The following ABCA9 variants were observed in gnomAD, a reference collection of about 807,000 sequenced individuals.
The protein encoded by ABCA9 is ATP binding cassette subfamily A member 9, also known as ATP-binding cassette sub-family A member 9.
ABCA9 carries 183 observed loss-of-function variants against 205.3 expected under a neutral mutation model. The observed-to-expected ratio is 0.89, with a 90% confidence interval of 0.79 to 1.01. The LOEUF (loss-of-function observed/expected upper bound fraction) is 1.01. Ranked by LOEUF, ABCA9 falls within the 50% of genes least tolerant of loss-of-function variation. ABCA9 has a pLI of 0.00. For synonymous variants in ABCA9, 651 were observed against 683.3 expected (o/e 0.95, Z 0.74); for missense variants, 1,805 against 1,912.4 (o/e 0.94, Z 1.05).
chr17:68,998,041 A>T (rs974679936), intron 25 of ABCA9, among the ~76,000 whole-genome samples: 4 of 152,194 alleles, frequency 2.6e-5, no homozygotes, highest in Non-Finnish European at 4.4e-5. Flanking sequence ...TACAGTGTGT[A>T]GACTTTTCAG....
intron 2 of ABCA9, among the ~76,000 whole-genome samples, chr17:69,049,729 T>C (rs1472475616): frequency 6.6e-6 from 1 of 152,114 alleles, no homozygotes; most frequent in Non-Finnish European, 1.5e-5. Context: ...AGAATCTAAG[T>C]TTACCACACT....
intron 12 of ABCA9, 69 bp from the exon 13 acceptor site, chr17:69,027,884 G>A (rs1598390883): frequency 8.2e-7 from 1 of 1,214,358 alleles, no homozygotes; most frequent in African/African-American, 1.5e-5. Flanking sequence ...CTTTTAAAAT[G>A]GAAAACACTG....
upstream of ABCA9, among the ~76,000 whole-genome samples, chr17:69,061,432 AAATACGGC>A (rs2072245430): frequency 6.6e-6 from 1 of 152,192 alleles, no homozygotes; most frequent in South Asian, 2.1e-4. Flanking sequence ...TTGAATCCAG[AAATACGGC>A]AATAAAGCAA....
At chr17:69,018,001 A>G (rs1415666431) in intron 20 of ABCA9, 2 of 496,108 alleles carry the variant, frequency 4.0e-6, no homozygotes, top group Non-Finnish European at 7.0e-6. Context: ...GCATTTCATT[A>G]TAATTTCTAT....
intron 22 of ABCA9, 81 bp downstream of exon 22, chr17:69,016,172 A>C: frequency 9.3e-7 from 1 of 1,076,522 alleles, no homozygotes; most frequent in East Asian, 2.8e-5. Flanking sequence ...ACAAAAAGTA[A>C]TATAACATTA....
chr17:68,985,105 T>A lies in ABCA9; in HGVS notation c.4232A>T (p.Gln1411Leu), dbSNP rs2069187438. Reference protein sequence around the residue: ...ITRLVDALKLQDQLKAPVKTL... With the variant: ...ITRLVDALKLLDQLKAPVKTL... ...CTTCACGGGAGCCTTCAGCTGGTCC[T>A]GCAGCTTGAGCGCATCCACTAACCT... is the stretch of plus-strand genomic sequence containing the variant. The change falls in exon 33 of 39, where the codon CAG becomes CTG. Residue 1411 changes from glutamine (Q) to leucine (L), a missense_variant. By Grantham distance (113) the Gln-to-Leu change is moderately radical. Coordinates refer to ENST00000340001, the MANE Select transcript of ABCA9 (RefSeq NM_080283.4). 6.2e-7 allele frequency: 1 copy of A among 1,614,252 alleles called. No individual in the cohort carries two copies. The highest frequency in any genetic ancestry group is 1.7e-5 in the Admixed American group (1 of 60,030).
intron 6 of ABCA9, 44 bp downstream of exon 6, chr17:69,043,445 C>A: frequency 1.4e-6 from 2 of 1,456,772 alleles, no homozygotes; most frequent in South Asian, 2.8e-5. Flanking sequence ...CTAAGTTGTT[C>A]TGTTTGTTTA....
chr17:69,027,639 C>T lies in ABCA9; in HGVS notation c.1791+1G>A. ...ATGTGACATCTAATATGCTCACATA[C>T]CTCTTTCTCCACTTCATGTGGCAAA... is the stretch of plus-strand genomic sequence containing the variant. On this transcript the variant is annotated splice_donor_variant, in intron 13 of 38. Transcript: ENST00000340001. LOFTEE classifies it high-confidence loss of function. 1 of 1,612,762 alleles carries T rather than the reference C, an allele frequency of 6.2e-7. No homozygotes were observed.
chr17:69,018,074 T>C (rs1202218170), intron 20 of ABCA9: 4 of 380,920 alleles, frequency 1.1e-5, no homozygotes, highest in Non-Finnish European at 1.4e-5. Flanking sequence ...AGTCTATCTA[T>C]CTTTTTAAAT....
At position 68,986,283 on chromosome 17, in the gene ABCA9, G is replaced by A. The variant is rs267605017; in HGVS notation, c.4089C>T (p.Phe1363=). The A allele has an allele frequency of 6.2e-7, 1 of 1,613,370 alleles. No individual in the cohort carries two copies. Among genetic ancestry groups the A allele is most frequent in the Non-Finnish European group, 8.5e-7 (1 of 1,179,702 alleles). ...CATTCTCCTGAGGGCAGTACCCCAG[G>A]AAGCCCAGGGGTTCCCCTCCACCGC... ...KGSGGGEPLG[F]LGYCPQENAL... is the part of the protein sequence containing the mutation. Residue 1363 remains phenylalanine, a synonymous_variant, in exon 32 of 39, where the codon TTC becomes TTT. Coordinates refer to ENST00000340001, the MANE Select transcript of ABCA9 (RefSeq NM_080283.4).
chr17:69,018,138 C>T, intron 20 of ABCA9: 1 of 372,596 alleles, frequency 2.7e-6, no homozygotes, highest in Non-Finnish European at 4.7e-6. Context: ...AAATGATACA[C>T]AAAGACCTCA....
chr17:69,039,294 C>T (rs1246646070), intron 6 of ABCA9, among the ~76,000 whole-genome samples: 1 of 152,130 alleles, frequency 6.6e-6, no homozygotes, highest in Non-Finnish European at 1.5e-5. Flanking sequence ...GGAGGCATCA[C>T]ACTATTTGAC....
intron 3 of ABCA9, among the ~76,000 whole-genome samples, chr17:69,047,716 G>T (rs1468115507): frequency 6.6e-6 from 1 of 152,138 alleles, no homozygotes; most frequent in East Asian, 1.9e-4. Flanking sequence ...GTGCAGGATG[G>T]CAAAGGTCAC....
chr17:68,996,681 T>G (rs964028808), intron 25 of ABCA9, among the ~76,000 whole-genome samples: 1 of 152,190 alleles, frequency 6.6e-6, no homozygotes, highest in Non-Finnish European at 1.5e-5. Context: ...GTCATATTAT[T>G]TATTGTAGGC....
At chr17:69,066,214 A>ATAC in the ABCA9 span, among the ~76,000 whole-genome samples, 1 of 152,132 alleles carries the variant, frequency 6.6e-6, no homozygotes, top group Non-Finnish European at 1.5e-5. Context: ...TAGGCTAAAT[A>ATAC]TACTCATTTC....
In ABCA9 at chr17:68,989,053, C is replaced by T. The variant is rs1567918087; in HGVS notation, c.4021G>A (p.Gly1341Arg). ...GKSTTIKMITGDTKPTAGQVI... is the reference protein window; with the variant it reads ...GKSTTIKMITRDTKPTAGQVI... ...TGTCCTGCAGTTGGTTTTGTGTCTC[C>T]AGTTATCATCTTAATAGTTGTACTT... The change falls in exon 31 of 39, where the codon GGA becomes AGA. Residue 1341 changes from glycine (G) to arginine (R), a missense_variant. By Grantham distance (125) the Gly-to-Arg change is moderately radical. Transcript: ENST00000340001. The T allele has an allele frequency of 6.2e-7, 1 of 1,612,854 alleles. No individual in the cohort carries two copies. Among genetic ancestry groups the T allele is most frequent in the Non-Finnish European group, 8.5e-7 (1 of 1,179,054 alleles).
chr17:69,018,115 GCA>G (rs1452360454), intron 20 of ABCA9: 10 of 368,550 alleles, frequency 2.7e-5, no homozygotes, highest in Non-Finnish European at 4.8e-5. Flanking sequence ...GCCCAGCACA[GCA>G]CAGATTTACA....
Position 69,018,525 on chromosome 17 carries a change from G to A in ABCA9, c.2655C>T (p.Tyr885=), listed in dbSNP as rs747196301. ...ACGGGTAACTTTTCTGATATGACTC[G>A]TAGAATAGATGTTCCAAAAGTTGAG... ...FIPQLLEHLF[Y]ESYQKSYPWE... The change falls in exon 20 of 39, where the codon TAC becomes TAT. Residue 885 remains tyrosine, a synonymous_variant. Coordinates refer to ENST00000340001, the MANE Select transcript of ABCA9 (RefSeq NM_080283.4). The A allele has an allele frequency of 6.7e-5, 108 of 1,606,936 alleles. No homozygotes were observed. The highest frequency in any genetic ancestry group is 3.3e-4 in the Middle Eastern group (2 of 6,068).
chr17:68,976,587 C>T (rs1047948787), intron 37 of ABCA9, among the ~76,000 whole-genome samples: 5 of 152,178 alleles, frequency 3.3e-5, no homozygotes, highest in Non-Finnish European at 7.3e-5. Context: ...TTAGGAAGGA[C>T]AGGGGAGACA....
Sources: allele counts gnomAD v4.1 joint callset (sites outside exome capture counted in the v4.1 genomes callset), GRCh38; gene constraint gnomAD v4.1.1; transcripts MANE v1.5; gene names NCBI Gene and HGNC (gene_info 2026-07-23, HGNC 2026-07-21).